The following ATAD2 variants were observed in gnomAD, a reference collection of about 807,000 sequenced individuals.
ATAD2 encodes the protein ATPase family AAA domain-containing protein 2.
Under a neutral mutation model 168.9 loss-of-function variants are expected in ATAD2, and 62 were observed. The observed-to-expected ratio is 0.37, with a 90% CI of 0.30 to 0.45. ATAD2 has a LOEUF of 0.45. Among genes scored for constraint, ATAD2 ranks in the 20% least tolerant of loss-of-function variants. The probability of loss-of-function intolerance (pLI) is 1.00; values close to 1 mark genes in which losing one functional copy is unlikely to be tolerated. For synonymous variants in ATAD2, 613 were observed against 571.6 expected (o/e 1.07, Z -1.03); for missense variants, 1,419 against 1,667.8 (o/e 0.85, Z 2.60).
chr8:123,341,739 A>C (rs1222232057), intron 19 of ATAD2, among the ~76,000 whole-genome samples: 1 of 152,194 alleles, frequency 6.6e-6, no homozygotes, highest in Non-Finnish European at 1.5e-5. Flanking sequence ...GTGGAATTTG[A>C]GAGGAAATGA....
intron 22 of ATAD2, 93 bp downstream of exon 22, chr8:123,336,280 A>T: frequency 9.1e-7 from 1 of 1,099,656 alleles, no homozygotes; most frequent in Non-Finnish European, 1.3e-6. Context: ...TATTTTGATT[A>T]TGTTTATAAT....
chr8:123,398,938 A>G (rs1032209044), upstream of ATAD2, among the ~76,000 whole-genome samples: 4 of 152,264 alleles, frequency 2.6e-5, no homozygotes, highest in African/African-American at 9.6e-5. Flanking sequence ...AAATTTAAAA[A>G]GTAGCAGAGT....
intron 14 of ATAD2, among the ~76,000 whole-genome samples, chr8:123,348,548 G>A (rs1425423271): frequency 2.0e-5 from 3 of 152,146 alleles, no homozygotes; most frequent in South Asian, 4.1e-4. Flanking sequence ...GTGGTAGCAT[G>A]TGCCTGTAAT....
At chr8:123,355,633 A>T (rs1828617259) in intron 13 of ATAD2, among the ~76,000 whole-genome samples, 1 of 152,180 alleles carries the variant, frequency 6.6e-6, no homozygotes, top group Non-Finnish European at 1.5e-5. Flanking sequence ...AAAGCATCCA[A>T]ATTAGCTGGT....
chr8:123,356,354 G>GA (rs1828646019), intron 13 of ATAD2, 35 bp downstream of exon 13: 4 of 1,529,974 alleles, frequency 2.6e-6, no homozygotes, highest in Admixed American at 1.7e-5. Context: ...CAGGAAATAG[G>GA]AAGAAACGTT....
intron 8 of ATAD2, among the ~76,000 whole-genome samples, chr8:123,367,930 A>C (rs553325010): frequency 6.6e-6 from 1 of 152,332 alleles, no homozygotes; most frequent in East Asian, 1.9e-4. Flanking sequence ...CTCTAGGAGA[A>C]AACTTCCAAG....
At chr8:123,348,663 C>A (rs914282313) in intron 14 of ATAD2, among the ~76,000 whole-genome samples, 4 of 151,980 alleles carry the variant, frequency 2.6e-5, no homozygotes, top group African/African-American at 4.8e-5. Flanking sequence ...GGTGACAGAG[C>A]AAGACTTTAT....
chr8:123,383,294 T>C (rs1200693389), intron 1 of ATAD2, among the ~76,000 whole-genome samples: 2 of 152,012 alleles, frequency 1.3e-5, no homozygotes, highest in African/African-American at 2.4e-5. Context: ...TATATACCTA[T>C]GTAACAAACC....
intron 1 of ATAD2, among the ~76,000 whole-genome samples, chr8:123,413,930 T>C (rs3905739): frequency 0.3 from 44,713 of 151,034 alleles, 7,142 homozygotes; most frequent in South Asian, 0.45. Flanking sequence ...GGCGGGCAGA[T>C]CACTTGAGGT....
At position 123,369,051 on chromosome 8, in the gene ATAD2, A is replaced by C; in HGVS notation, c.1049+7T>G. 6.6e-7 allele frequency: 1 copy of C among 1,525,084 alleles called. No individual in the cohort carries two copies. Among genetic ancestry groups the C allele is most frequent in the Non-Finnish European group, 9.0e-7 (1 of 1,110,656 alleles). 94.5% of individuals were successfully genotyped at this position (1,525,084 alleles called of 1,614,324 possible). A position where few individuals can be genotyped will look rare whatever the true frequency, so the allele number is the denominator to read the frequency against. On this transcript the variant is annotated splice_region_variant and intron_variant, in intron 8 of 27. Transcript: ENST00000287394. The stretch of plus-strand genomic sequence containing the variant: ...GTCATAAATCAATCACTATATCAGA[A>C]CCAAACCTGTTCATTCGTTTACAGT...
intron 2 of ATAD2, among the ~76,000 whole-genome samples, chr8:123,379,262 G>A (rs914855410): frequency 4.6e-5 from 7 of 152,186 alleles, no homozygotes; most frequent in South Asian, 4.1e-4. Flanking sequence ...CCAAAAAACC[G>A]TATGTACAGA....
At position 123,372,509 on chromosome 8, in the gene ATAD2, A is replaced by C. The variant is rs374234725; in HGVS notation, c.370+128T>G. Reference sequence around the variant, plus strand: ...TTGTGGTGATGGCTTCATGGCATATACTTACGTTAAAACCTAACAAATTAT... The same window carrying C: ...TTGTGGTGATGGCTTCATGGCATATCCTTACGTTAAAACCTAACAAATTAT... On this transcript the variant is annotated intron_variant, in intron 3 of 27. Coordinates refer to ENST00000287394, the MANE Select transcript of ATAD2 (RefSeq NM_014109.4). 2.0e-5 allele frequency: 14 copies of C among 699,236 alleles called. No individual in the cohort carries two copies. The East Asian group carries it at 3.9e-4, about 19-fold the overall frequency. The allele number at this position is 699,236 out of a possible 1,614,324, so 43.3% of individuals were successfully genotyped here.
At chr8:123,401,896 G>C in intron 1 of ATAD2, 1 of 767,830 alleles carries the variant, frequency 1.3e-6, no homozygotes, top group Non-Finnish European at 2.4e-6. Flanking sequence ...AGGGTGTCTC[G>C]GGCTCCATCC....
chr8:123,378,609 G>A (rs898335458), intron 2 of ATAD2, among the ~76,000 whole-genome samples: 1 of 146,046 alleles, frequency 6.8e-6, no homozygotes, highest in African/African-American at 2.5e-5. Context: ...AGCTGAGGCA[G>A]GAGGATCGCT....
chr8:123,386,668 T>G (rs556831847), intron 1 of ATAD2, among the ~76,000 whole-genome samples: 56 of 152,282 alleles, frequency 3.7e-4, no homozygotes, highest in African/African-American at 1.3e-3. Flanking sequence ...TTTTATGTTA[T>G]GTATATTTTG....
intron 2 of ATAD2, among the ~76,000 whole-genome samples, chr8:123,374,050 C>T (rs890400115): frequency 6.6e-6 from 1 of 152,016 alleles, no homozygotes. Context: ...TCTTGGAAGA[C>T]AGGTAAGAAT....
At chr8:123,388,368 A>T (rs1388617595) in intron 1 of ATAD2, among the ~76,000 whole-genome samples, 1 of 151,812 alleles carries the variant, frequency 6.6e-6, no homozygotes, top group East Asian at 1.9e-4. Flanking sequence ...CTGGCTACTG[A>T]TTATGTATTT....
At chr8:123,384,103 GA>G (rs910112995) in intron 1 of ATAD2, among the ~76,000 whole-genome samples, 2 of 150,040 alleles carry the variant, frequency 1.3e-5, no homozygotes, top group Non-Finnish European at 3.0e-5. Flanking sequence ...AAGAAAGAAA[GA>G]AAAAAACTGA....
chr8:123,408,611 G>T (rs1321091490), intron 1 of ATAD2, among the ~76,000 whole-genome samples: 1 of 152,114 alleles, frequency 6.6e-6, no homozygotes, highest in East Asian at 1.9e-4. Context: ...CCGCCTCTGG[G>T]GTTCAAGCTA....
Sources: gnomAD v4.1 joint callset for allele counts (sites outside exome capture counted in the v4.1 genomes callset) on GRCh38, gnomAD v4.1.1 for gene constraint, MANE v1.5 for transcripts, NCBI Gene and HGNC (gene_info 2026-07-23, HGNC 2026-07-21) for gene names.